The following ERBB4 variants were observed in gnomAD, a reference collection of about 807,000 sequenced individuals.
ERBB4 encodes receptor tyrosine-protein kinase erbB-4.
In ERBB4, 42 loss-of-function variants were observed where a neutral mutation model predicts 158.0. That is an observed-to-expected ratio of 0.27 (90% CI 0.21 to 0.34). The LOEUF (loss-of-function observed/expected upper bound fraction) is 0.34. Among genes scored for constraint, ERBB4 ranks in the 10% least tolerant of loss-of-function variants. ERBB4 has a pLI of 1.00. For missense variants in ERBB4, 1,333 were observed against 1,624.1 expected, an observed-to-expected ratio of 0.82 and a Z score of 3.08; for synonymous variants, 583 against 558.7, an observed-to-expected ratio of 1.04 and a Z score of -0.61.
At chr2:211,783,131 A>G (rs1241891070) in intron 4 of ERBB4, among the ~76,000 whole-genome samples, 7 of 152,286 alleles carry the variant, frequency 4.6e-5, no homozygotes, top group African/African-American at 1.7e-4. Flanking sequence ...CTTTGAAGCA[A>G]TTGTGAATGG....
At chr2:211,748,294 A>G (rs1375367333) in intron 5 of ERBB4, among the ~76,000 whole-genome samples, 2 of 152,200 alleles carry the variant, frequency 1.3e-5, no homozygotes, top group Non-Finnish European at 2.9e-5. Flanking sequence ...ATTTTAATTA[A>G]TAGTGTTATT....
chr2:211,726,305 A>G (rs2074265895), intron 5 of ERBB4, among the ~76,000 whole-genome samples: 1 of 152,150 alleles, frequency 6.6e-6, no homozygotes, highest in South Asian at 2.1e-4. Flanking sequence ...TCTACTTAGC[A>G]TACTGTCTAC....
chr2:211,561,028 T>G (rs999670707), intron 20 of ERBB4, among the ~76,000 whole-genome samples: 3 of 152,168 alleles, frequency 2.0e-5, no homozygotes, highest in African/African-American at 7.2e-5. Flanking sequence ...AACTAAGAGT[T>G]GACATAATTA....
At chr2:211,453,608 A>G (rs890074928) in intron 20 of ERBB4, among the ~76,000 whole-genome samples, 24 of 152,300 alleles carry the variant, frequency 1.6e-4, no homozygotes, top group African/African-American at 5.5e-4. Context: ...TCTTAAATCC[A>G]TTTCATAGCA....
chr2:211,587,352 C>T (rs2068315042), intron 19 of ERBB4, among the ~76,000 whole-genome samples: 1 of 152,140 alleles, frequency 6.6e-6, no homozygotes, highest in South Asian at 2.1e-4. Flanking sequence ...GAGACTGTGT[C>T]TCAATAAATA....
chr2:212,131,796 G>A lies in ERBB4; in HGVS notation c.83-6893C>T, dbSNP rs190385129. 6.6e-5 allele frequency among the ~76,000 whole-genome samples: 10 copies of A among 152,216 alleles called. No homozygotes were observed. The South Asian group carries it at 8.3e-4, about 13-fold the overall frequency. ...CACCCAATCAAAGCAGGACTAGTAC[G>A]GTCCAGTGCATTTTGCAATGAATGT... On this transcript the variant is annotated intron_variant, in intron 1 of 27. Coordinates refer to ENST00000342788, the MANE Select transcript of ERBB4 (RefSeq NM_005235.3).
At chr2:212,301,113 T>A (rs1449416056) in intron 1 of ERBB4, among the ~76,000 whole-genome samples, 1 of 106,694 alleles carries the variant, frequency 9.4e-6, no homozygotes, top group East Asian at 3.0e-4. Context: ...ATGGTTTGCA[T>A]TGATATGCTT....
chr2:212,232,690 G>A (rs1012703973), intron 1 of ERBB4, among the ~76,000 whole-genome samples: 2 of 152,132 alleles, frequency 1.3e-5, no homozygotes, highest in South Asian at 2.1e-4. Context: ...TTACAGGCGT[G>A]AGCCACCACA....
intron 3 of ERBB4, among the ~76,000 whole-genome samples, chr2:211,904,946 C>T (rs1314024295): frequency 6.6e-6 from 1 of 152,118 alleles, no homozygotes; most frequent in Non-Finnish European, 1.5e-5. Context: ...GAATCACTGA[C>T]TCAGGCAAAT....
intron 2 of ERBB4, among the ~76,000 whole-genome samples, chr2:212,068,561 T>C (rs1273043936): frequency 1.3e-5 from 2 of 152,070 alleles, no homozygotes; most frequent in African/African-American, 2.4e-5. Flanking sequence ...CTTGAATTCT[T>C]ACACACCAAA....
intron 20 of ERBB4, among the ~76,000 whole-genome samples, chr2:211,432,694 T>C (rs935949339): frequency 1.3e-5 from 2 of 152,214 alleles, no homozygotes; most frequent in African/African-American, 4.8e-5. Context: ...TAACAAATGT[T>C]CATGAAACAT....
intron 1 of ERBB4, among the ~76,000 whole-genome samples, chr2:212,229,748 A>G (rs758063343): frequency 6.6e-5 from 10 of 152,158 alleles, no homozygotes; most frequent in Non-Finnish European, 1.5e-4. Context: ...GAAAGGAGAG[A>G]AGGAGAGACT....
At chr2:211,839,083 C>T (rs1407033421) in intron 3 of ERBB4, among the ~76,000 whole-genome samples, 1 of 145,056 alleles carries the variant, frequency 6.9e-6, no homozygotes, top group African/African-American at 2.6e-5. Flanking sequence ...CATAATGTGT[C>T]CCAATAAACA....
intron 20 of ERBB4, among the ~76,000 whole-genome samples, chr2:211,532,134 G>C (rs1229585365): frequency 2.1e-5 from 3 of 140,890 alleles, no homozygotes; most frequent in Non-Finnish European, 3.1e-5. Flanking sequence ...ATTGTCACCA[G>C]AGTCTGGGAA....
At chr2:212,451,741 C>T (rs569851969) in intron 1 of ERBB4, among the ~76,000 whole-genome samples, 66 of 152,224 alleles carry the variant, frequency 4.3e-4, no homozygotes, top group African/African-American at 1.5e-3. Context: ...AGTAATGTTC[C>T]GATATTTTCC....
At chr2:211,871,229 T>G (rs951862273) in intron 3 of ERBB4, among the ~76,000 whole-genome samples, 1 of 152,114 alleles carries the variant, frequency 6.6e-6, no homozygotes, top group Non-Finnish European at 1.5e-5. Context: ...CAAAAGATAT[T>G]TGGGCATGCC....
At chr2:212,170,052 G>A (rs925296555) in intron 1 of ERBB4, among the ~76,000 whole-genome samples, 1 of 152,192 alleles carries the variant, frequency 6.6e-6, no homozygotes, top group Non-Finnish European at 1.5e-5. Flanking sequence ...AAGTGACTTT[G>A]GAACTGGGTA....
intron 19 of ERBB4, among the ~76,000 whole-genome samples, chr2:211,568,538 G>A (rs2067620037): frequency 1.3e-5 from 2 of 152,144 alleles, no homozygotes; most frequent in Non-Finnish European, 2.9e-5. Context: ...CATATTGCCA[G>A]TGAAAACTTA....
intron 19 of ERBB4, among the ~76,000 whole-genome samples, chr2:211,616,922 T>G (rs2069413136): frequency 6.6e-6 from 1 of 152,058 alleles, no homozygotes; most frequent in South Asian, 2.1e-4. Context: ...CCATCAACCA[T>G]CTAGGAAAAT....
Sources: allele counts gnomAD v4.1 joint callset (sites outside exome capture counted in the v4.1 genomes callset), GRCh38; gene constraint gnomAD v4.1.1; transcripts MANE v1.5; gene names NCBI Gene and HGNC (gene_info 2026-07-23, HGNC 2026-07-21).